MDM4: variants seen among roughly 807,000 people sequenced by gnomAD.
The protein encoded by MDM4 is protein Mdm4.
A neutral mutation model predicts 60.2 loss-of-function variants in MDM4; 2 were observed. The observed-to-expected ratio is 0.03, with a 90% confidence interval of 0.01 to 0.10. MDM4 has a LOEUF of 0.10. Among genes scored for constraint, MDM4 ranks in the 10% least tolerant of loss-of-function variants. The probability of loss-of-function intolerance (pLI) is 1.00; values close to 1 mark genes in which losing one functional copy is unlikely to be tolerated. For missense variants in MDM4, 447 were observed against 577.5 expected (o/e 0.77, Z 2.32); for synonymous variants, 202 against 198.1 (o/e 1.02, Z -0.17).
intron 1 of MDM4, among the ~76,000 whole-genome samples, chr1:204,525,026 C>G (rs2102310810): frequency 6.6e-6 from 1 of 152,202 alleles, no homozygotes; most frequent in East Asian, 1.9e-4. Flanking sequence ...TCTTAGTTAA[C>G]TTTCTATGGT....
At chr1:204,546,515 A>G (rs1413414251) in intron 9 of MDM4, among the ~76,000 whole-genome samples, 3 of 152,128 alleles carry the variant, frequency 2.0e-5, no homozygotes, top group Non-Finnish European at 2.9e-5. Flanking sequence ...ATGCCCAGCT[A>G]TTTTCTTTAA....
chr1:204,525,020 A>G (rs1360188052), intron 1 of MDM4, among the ~76,000 whole-genome samples: 5 of 152,114 alleles, frequency 3.3e-5, no homozygotes, highest in African/African-American at 4.8e-5. Context: ...GTTGACTCTT[A>G]GTTAACTTTC....
chr1:204,537,847 C>T (rs1178001218), intron 6 of MDM4: 4 of 660,916 alleles, frequency 6.1e-6, no homozygotes, highest in Non-Finnish European at 1.2e-5. Context: ...CCTAAAGCTT[C>T]CCCAAACCTG....
In MDM4 at chr1:204,517,840, C is replaced by T. The variant is rs4252672; in HGVS notation, c.-36+1331C>T. Among the ~76,000 whole-genome samples the T allele has an allele frequency of 3.9e-3, 576 of 146,962 alleles. 5 individuals carry two copies. Among genetic ancestry groups the T allele is most frequent in the African/African-American group, 0.013 (549 of 40,970 alleles). On this transcript the variant is annotated intron_variant, in intron 1 of 10. Coordinates refer to ENST00000367182, the MANE Select transcript of MDM4 (RefSeq NM_002393.5). ...TGTATCTCAGTTTAGATTTAGTCTT[C>T]TCTCTCCTCATACATTTTTTTTTTA...
Position 204,552,290 on chromosome 1 carries a change from A to G in MDM4, c.*2608A>G, listed in dbSNP as rs1663273558. The G allele has an allele frequency of 6.7e-6, 1 of 150,192 alleles. No homozygotes were observed. The highest frequency in any genetic ancestry group is 6.6e-5 in the Admixed American group (1 of 15,056). 9.3% of individuals were successfully genotyped at this position (150,192 alleles called of 1,614,324 possible). ...CTGTCTCAGAAAAAAGAAAAAAAAAATCGCAAAAAGAAAAATCTCATAATG... is the reference window on the plus strand; with the variant it reads ...CTGTCTCAGAAAAAAGAAAAAAAAAGTCGCAAAAAGAAAAATCTCATAATG... On this transcript the variant is annotated 3_prime_UTR_variant, in exon 11 of 11. Transcript: ENST00000367182.
chr1:204,551,473 T>G lies in MDM4; in HGVS notation c.*1791T>G. 3 of 207,562 alleles carry G rather than the reference T, an allele frequency of 1.4e-5. No homozygotes were observed. Among genetic ancestry groups the G allele is most frequent in the Non-Finnish European group, 1.9e-5 (2 of 105,804 alleles). 12.9% of individuals were successfully genotyped at this position (207,562 alleles called of 1,614,324 possible). A position where few individuals can be genotyped will look rare whatever the true frequency, so the allele number is the denominator to read the frequency against. On this transcript the variant is annotated 3_prime_UTR_variant, in exon 11 of 11. Transcript: ENST00000367182. ...TGAGAGGCAGCCTCTTTTTTTTTTT[T>G]TTTTTTTTTTTTTTTTTGGAGGATA... is the stretch of plus-strand genomic sequence containing the variant.
At chr1:204,527,482 C>G (rs2102330627) in intron 3 of MDM4, among the ~76,000 whole-genome samples, 1 of 152,094 alleles carries the variant, frequency 6.6e-6, no homozygotes, top group East Asian at 1.9e-4. Context: ...GGAGAAACCC[C>G]ATCTCTACTA....
In MDM4 at chr1:204,554,716, T is replaced by G. The variant is rs1663428532; in HGVS notation, c.*5034T>G. 4.4e-6 allele frequency: 1 copy of G among 227,288 alleles called. No homozygotes were observed. Among genetic ancestry groups the G allele is most frequent in the African/African-American group, 2.2e-5 (1 of 45,040 alleles). 14.1% of individuals were successfully genotyped at this position (227,288 alleles called of 1,614,324 possible). A position where few individuals can be genotyped will look rare whatever the true frequency, so the allele number is the denominator to read the frequency against. On this transcript the variant is annotated 3_prime_UTR_variant, in exon 11 of 11. Coordinates refer to ENST00000367182, the MANE Select transcript of MDM4 (RefSeq NM_002393.5). ...GCTAATGTGGCTCCCCAGGCCTAAT[T>G]TGGGAACAGTTTTTCCTGATTGCTT...
chr1:204,531,448 T>C (rs1424244645), intron 4 of MDM4, among the ~76,000 whole-genome samples: 1 of 152,228 alleles, frequency 6.6e-6, no homozygotes, highest in Non-Finnish European at 1.5e-5. Context: ...TATTAGCTTA[T>C]ATAGTCAAAA....
intron 4 of MDM4, 139 bp from the exon 5 acceptor site, chr1:204,532,052 A>G (rs2102359590): frequency 3.6e-6 from 2 of 549,424 alleles, no homozygotes; most frequent in South Asian, 2.7e-5. Context: ...TGTTCTGGGA[A>G]AAAGATTCTG....
At chr1:204,525,672 C>A (rs1229070303) in intron 2 of MDM4, 76 bp downstream of exon 2, 4 of 980,934 alleles carry the variant, frequency 4.1e-6, no homozygotes, top group Admixed American at 2.4e-5. Flanking sequence ...TGTCTCATGA[C>A]TGTAATCCCA....
At chr1:204,545,067 G>T (rs1353071694) in intron 9 of MDM4, among the ~76,000 whole-genome samples, 1 of 151,954 alleles carries the variant, frequency 6.6e-6, no homozygotes, top group Non-Finnish European at 1.5e-5. Flanking sequence ...GTTTTCTTGC[G>T]ATTTTTTTTC....
chr1:204,527,886 AACCTTCAC>A (rs903289580), intron 3 of MDM4, among the ~76,000 whole-genome samples: 1 of 151,878 alleles, frequency 6.6e-6, no homozygotes, highest in Non-Finnish European at 1.5e-5. Context: ...TCGAACTTAA[AACCTTCAC>A]ACCTATCAAC....
intron 1 of MDM4, among the ~76,000 whole-genome samples, chr1:204,518,804 A>C (rs1659257068): frequency 6.6e-6 from 1 of 152,168 alleles, no homozygotes; most frequent in South Asian, 2.1e-4. Context: ...TAGCTGGATT[A>C]CAGGCGTTGT....
chr1:204,545,509 G>C (rs1662571833), intron 9 of MDM4, among the ~76,000 whole-genome samples: 1 of 152,002 alleles, frequency 6.6e-6, no homozygotes, highest in African/African-American at 2.4e-5. Flanking sequence ...ATACAGCAAA[G>C]AAAAAATTGG....
intron 3 of MDM4, among the ~76,000 whole-genome samples, chr1:204,528,004 A>G (rs1660398933): frequency 6.6e-6 from 1 of 152,044 alleles, no homozygotes; most frequent in African/African-American, 2.4e-5. Context: ...TTTTAAATTA[A>G]GCACATCGTT....
Position 204,526,418 on chromosome 1 carries a change from T to C in MDM4, c.137T>C (p.Met46Thr), listed in dbSNP as rs1365149083. 2.5e-6 allele frequency: 4 copies of C among 1,613,758 alleles called. No individual in the cohort carries two copies. The South Asian group carries it at 4.4e-5, about 18-fold the overall frequency. ...CATGCAGCAGGTGCGCAAGGTGAAA[T>C]GTTCACTGTTAAAGAGGTAAGCCAT... Reference protein sequence around the residue: ...ILHAAGAQGEMFTVKEVMHYL... With the variant: ...ILHAAGAQGETFTVKEVMHYL... The change falls in exon 3 of 11, where the codon ATG (methionine) becomes ACG (threonine). Residue 46 changes from methionine to threonine, a missense_variant. Met to Thr is a moderately conservative substitution (Grantham distance 81). Coordinates refer to ENST00000367182, the MANE Select transcript of MDM4 (RefSeq NM_002393.5).
chr1:204,543,090 A>G, intron 8 of MDM4, 146 bp downstream of exon 8: 1 of 655,736 alleles, frequency 1.5e-6, no homozygotes, highest in Non-Finnish European at 2.5e-6. Flanking sequence ...TGATACCCAA[A>G]TCTGTATCTC....
Position 204,555,346 on chromosome 1 carries a change from G to T in MDM4, c.*5664G>T, listed in dbSNP as rs12116645. ...ATTTTTGTATTTTTATTGGAGACGG[G>T]GTTTCACCGTCTTAGCCAGGATGGT... On this transcript the variant is annotated 3_prime_UTR_variant, in exon 11 of 11. Coordinates refer to ENST00000367182, the MANE Select transcript of MDM4 (RefSeq NM_002393.5). 90,421 of 159,712 alleles carry T rather than the reference G, an allele frequency of 0.57. 28,354 individuals are homozygous for T. Among genetic ancestry groups the T allele is most frequent in the East Asian group, 0.7 (4,878 of 7,004 alleles). 9.9% of individuals were successfully genotyped at this position (159,712 alleles called of 1,614,324 possible). A position where few individuals can be genotyped will look rare whatever the true frequency, so the allele number is the denominator to read the frequency against.
Sources: allele counts gnomAD v4.1 joint callset (sites outside exome capture counted in the v4.1 genomes callset), GRCh38; gene constraint gnomAD v4.1.1; transcripts MANE v1.5; gene names NCBI Gene and HGNC (gene_info 2026-07-23, HGNC 2026-07-21).